Variants in INO80 observed in about 807,000 individuals in gnomAD.
INO80 encodes the protein chromatin-remodeling ATPase INO80.
Under a neutral mutation model 203.4 loss-of-function variants are expected in INO80, and 20 were observed. The observed-to-expected ratio is 0.10, with a 90% CI of 0.07 to 0.14. The LOEUF (loss-of-function observed/expected upper bound fraction) is 0.14, where lower values mean the gene tolerates loss of function less well. Ranked by LOEUF, INO80 falls within the 10% of genes least tolerant of loss-of-function variation. The pLI, the probability that INO80 is intolerant of heterozygous loss-of-function variation, is 1.00. For missense variants in INO80, 1,419 were observed against 1,914.4 expected, an observed-to-expected ratio of 0.74 and a Z score of 4.83; for synonymous variants, 726 against 685.2, an observed-to-expected ratio of 1.06 and a Z score of -0.93.
intron 29 of INO80, among the ~76,000 whole-genome samples, chr15:40,990,859 C>CT (rs1301033999): frequency 6.6e-6 from 1 of 152,126 alleles, no homozygotes; most frequent in Non-Finnish European, 1.5e-5. Context: ...TTTTTTTCAT[C>CT]TTTTTTTCTG....
Position 41,044,972 on chromosome 15 carries a change from T to C in INO80, c.2839A>G (p.Lys947Glu). Residue 947 changes from lysine to glutamate, a missense_variant, in exon 24 of 36, where the codon AAG (lysine) becomes GAG (glutamate). Lys to Glu is a moderately conservative substitution (Grantham distance 56). Around this residue, in one of 9 missense-constraint regions of INO80, gnomAD observed 302 missense variants for 345.4 expected, o/e 0.87. Coordinates refer to ENST00000648947, the MANE Select transcript of INO80 (RefSeq NM_017553.3). ...AAATTAACCCCAAGAAGGAAATCCT[T>C]GTTCCTCAGGTATCTCTGGTGGCTC... ...GESHQRYLRN[K>E]DFLLGVNFPL... 2 of 1,614,068 alleles carry C rather than the reference T, an allele frequency of 1.2e-6. No individual in the cohort carries two copies. Among genetic ancestry groups the C allele is most frequent in the Non-Finnish European group, 1.7e-6 (2 of 1,179,976 alleles).
intron 26 of INO80, chr15:41,018,239 G>A (rs1310694951): frequency 6.6e-6 from 1 of 152,076 alleles, no homozygotes; most frequent in Non-Finnish European, 1.5e-5. Flanking sequence ...TACTCTCTTA[G>A]CACAAATGTT....
chr15:41,104,052 C>T (rs2045845514), intron 1 of INO80, among the ~76,000 whole-genome samples: 1 of 151,678 alleles, frequency 6.6e-6, no homozygotes, highest in Non-Finnish European at 1.5e-5. Context: ...AACCTCGTCT[C>T]TACTAAAAAT....
At chr15:40,984,498 TAAGG>T (rs1432493372) in intron 32 of INO80, 146 bp from the exon 33 acceptor site, 2 of 726,524 alleles carry the variant, frequency 2.8e-6, no homozygotes, top group Non-Finnish European at 2.2e-6. Context: ...AAAAACTGCA[TAAGG>T]AAGAAGGGAT....
chr15:41,109,539 G>A (rs927193426), intron 1 of INO80, among the ~76,000 whole-genome samples: 12 of 151,888 alleles, frequency 7.9e-5, no homozygotes, highest in Admixed American at 2.6e-4. Flanking sequence ...CTGTAACCCC[G>A]GCACTTTGGG....
At chr15:41,059,192 A>G (rs8040001) in intron 15 of INO80, among the ~76,000 whole-genome samples, 1 of 150,194 alleles carries the variant, frequency 6.7e-6, no homozygotes, top group Admixed American at 6.6e-5. Context: ...GAACTCCTGG[A>G]CTCAAGTGAT....
chr15:41,058,729 T>C lies in INO80; in HGVS notation c.1895A>G (p.Gln632Arg). ...APFHVVITSY[Q>R]LVVQDVKYFQ... ...ATACTTTACATCCTGCACCACCAGC[T>C]GATAGCTGGTAATAACCACATGGAA... Residue 632 changes from glutamine (Q) to arginine (R), a missense_variant, in exon 16 of 36, where the codon CAG (glutamine) becomes CGG (arginine). Gln to Arg is a conservative substitution (Grantham distance 43, BLOSUM62 1). Around this residue, in one of 9 missense-constraint regions of INO80, gnomAD observed 192 missense variants for 406.7 expected, o/e 0.47. Coordinates refer to ENST00000648947, the MANE Select transcript of INO80 (RefSeq NM_017553.3). 6.2e-7 allele frequency: 1 copy of C among 1,614,058 alleles called. No individual in the cohort carries two copies. Among genetic ancestry groups the C allele is most frequent in the Non-Finnish European group, 8.5e-7 (1 of 1,179,974 alleles).
chr15:41,082,558 G>A (rs1261152692), intron 7 of INO80, among the ~76,000 whole-genome samples: 2 of 152,000 alleles, frequency 1.3e-5, no homozygotes, highest in African/African-American at 4.8e-5. Context: ...AAAATTAGCT[G>A]AGTGTGGTGG....
At chr15:41,039,606 G>A (rs2044637599) in intron 24 of INO80, among the ~76,000 whole-genome samples, 2 of 152,142 alleles carry the variant, frequency 1.3e-5, no homozygotes, top group Admixed American at 6.5e-5. Flanking sequence ...TGTTCTGAAG[G>A]TAGCCTAGAG....
At chr15:41,063,338 A>G (rs1436084587) in intron 14 of INO80, among the ~76,000 whole-genome samples, 1 of 152,088 alleles carries the variant, frequency 6.6e-6, no homozygotes, top group African/African-American at 2.4e-5. Context: ...CTCCGTCTCA[A>G]AAAAAATTTT....
At chr15:41,037,403 C>T (rs1057323090) in intron 24 of INO80, among the ~76,000 whole-genome samples, 2 of 151,816 alleles carry the variant, frequency 1.3e-5, no homozygotes, top group Non-Finnish European at 2.9e-5. Context: ...ACTTGGGAGG[C>T]TGAGGCAGGA....
At chr15:41,018,056 A>C (rs1429064794) in intron 26 of INO80, 2 of 152,184 alleles carry the variant, frequency 1.3e-5, no homozygotes, top group African/African-American at 4.8e-5. Flanking sequence ...GATAGCTCCT[A>C]AACATTCACC....
intron 9 of INO80, among the ~76,000 whole-genome samples, chr15:41,075,992 T>A (rs1013372256): frequency 1.3e-5 from 2 of 152,148 alleles, no homozygotes; most frequent in Admixed American, 1.3e-4. Context: ...GTATATGAAA[T>A]TAACAAGTTA....
intron 7 of INO80, among the ~76,000 whole-genome samples, chr15:41,084,383 A>T (rs2045529285): frequency 6.6e-6 from 1 of 152,018 alleles, no homozygotes; most frequent in South Asian, 2.1e-4. Context: ...AACATGGTGA[A>T]ACCCCATCTC....
At chr15:41,075,711 C>T (rs2045392595) in intron 9 of INO80, among the ~76,000 whole-genome samples, 1 of 152,152 alleles carries the variant, frequency 6.6e-6, no homozygotes, top group African/African-American at 2.4e-5. Flanking sequence ...GTCTCAGCCT[C>T]CCAAAGTGCT....
intron 21 of INO80, 79 bp downstream of exon 21, chr15:41,049,208 T>C: frequency 8.3e-7 from 1 of 1,203,810 alleles, no homozygotes; most frequent in Non-Finnish European, 1.2e-6. Context: ...TCATATTCTC[T>C]CCACTAAATT....
chr15:40,995,645 CTG>C (rs1339650887), intron 29 of INO80, among the ~76,000 whole-genome samples: 1 of 152,134 alleles, frequency 6.6e-6, no homozygotes, highest in East Asian at 1.9e-4. Context: ...AAGCCGGGAA[CTG>C]AGAGTGGAGT....
At chr15:41,069,458 C>T (rs2045277156) in intron 14 of INO80, 112 bp downstream of exon 14, 1 of 600,818 alleles carries the variant, frequency 1.7e-6, no homozygotes, top group Non-Finnish European at 2.8e-6. Flanking sequence ...GTGTGAGCCC[C>T]CAAGTCCGGC....
intron 27 of INO80, among the ~76,000 whole-genome samples, chr15:41,008,905 C>T (rs2044091358): frequency 6.6e-6 from 1 of 152,198 alleles, no homozygotes; most frequent in African/African-American, 2.4e-5. Flanking sequence ...GAGATCTTGG[C>T]TCACAGCAAC....
Sources: gnomAD v4.1 joint callset for allele counts (sites outside exome capture counted in the v4.1 genomes callset) on GRCh38, gnomAD v4.1.1 for gene constraint, gnomAD v4.1.1 regional missense constraint, MANE v1.5 for transcripts, NCBI Gene and HGNC (gene_info 2026-07-23, HGNC 2026-07-21) for gene names.